Variants in SAMD3 observed in about 807,000 individuals in gnomAD.
SAMD3 encodes sterile alpha motif domain-containing protein 3.
SAMD3 carries 63 observed loss-of-function variants against 58.5 expected under a neutral mutation model. That is an observed-to-expected ratio of 1.08 (90% CI 0.88 to 1.33). SAMD3 has a LOEUF of 1.33. SAMD3 is among the 40% of genes most tolerant of loss of function. The probability of loss-of-function intolerance (pLI) is 0.00; values close to 1 mark genes in which losing one functional copy is unlikely to be tolerated. For missense variants in SAMD3, 604 were observed against 608.4 expected (o/e 0.99, Z 0.08); for synonymous variants, 220 against 210.3 (o/e 1.05, Z -0.40).
intron 2 of SAMD3, among the ~76,000 whole-genome samples, chr6:130,300,242 C>G (rs1227714647): frequency 6.6e-6 from 1 of 152,098 alleles, no homozygotes; most frequent in Non-Finnish European, 1.5e-5. Context: ...AGCAGTGCAT[C>G]AAAAAGATAA....
intron 2 of SAMD3, among the ~76,000 whole-genome samples, chr6:130,311,973 T>G (rs1186678802): frequency 2.0e-5 from 3 of 152,044 alleles, no homozygotes; most frequent in African/African-American, 7.2e-5. Flanking sequence ...AGCATCCCTT[T>G]GCTTCTCCCC....
At chr6:130,233,554 T>A (rs1582985939) in intron 2 of SAMD3, among the ~76,000 whole-genome samples, 1 of 152,198 alleles carries the variant, frequency 6.6e-6, no homozygotes, top group African/African-American at 2.4e-5. Context: ...GGAAAAAATG[T>A]CAAGCATCTG....
intron 2 of SAMD3, among the ~76,000 whole-genome samples, chr6:130,246,756 G>C (rs1244215148): frequency 6.6e-6 from 1 of 152,068 alleles, no homozygotes; most frequent in African/African-American, 2.4e-5. Flanking sequence ...GGGCATGATG[G>C]TGGGTGCCTG....
intron 9 of SAMD3, among the ~76,000 whole-genome samples, chr6:130,148,043 G>A (rs146173093): frequency 6.6e-6 from 1 of 152,098 alleles, no homozygotes; most frequent in African/African-American, 2.4e-5. Flanking sequence ...AATATATGTT[G>A]TATTTTATGA....
intron 2 of SAMD3, among the ~76,000 whole-genome samples, chr6:130,238,983 T>G (rs1035900929): frequency 5.9e-5 from 9 of 152,160 alleles, no homozygotes; most frequent in African/African-American, 1.9e-4. Context: ...GGTCTCAAAC[T>G]CCTGATCTCA....
At chr6:130,202,334 C>T (rs1419768228) in intron 5 of SAMD3, among the ~76,000 whole-genome samples, 1 of 152,174 alleles carries the variant, frequency 6.6e-6, no homozygotes, top group Non-Finnish European at 1.5e-5. Flanking sequence ...CCCGCTCCTG[C>T]TTTTTTGCAT....
At chr6:130,278,486 G>A (rs1050168888) in intron 2 of SAMD3, among the ~76,000 whole-genome samples, 10 of 152,102 alleles carry the variant, frequency 6.6e-5, no homozygotes, top group African/African-American at 2.4e-4. Flanking sequence ...CACAATAAAA[G>A]AGTATTTCTT....
At chr6:130,188,014 A>G (rs1793163618) in intron 5 of SAMD3, among the ~76,000 whole-genome samples, 2 of 152,096 alleles carry the variant, frequency 1.3e-5, no homozygotes, top group African/African-American at 4.8e-5. Flanking sequence ...TTTGCAATAA[A>G]ATAAAACTTA....
intron 2 of SAMD3, among the ~76,000 whole-genome samples, chr6:130,280,874 G>C (rs568067025): frequency 5.6e-4 from 85 of 152,084 alleles, no homozygotes; most frequent in African/African-American, 2.0e-3. Context: ...CAAAATAAAT[G>C]TTCACATTAA....
chr6:130,361,553 C>T (rs1017571200), intron 1 of SAMD3, among the ~76,000 whole-genome samples: 12 of 151,964 alleles, frequency 7.9e-5, no homozygotes, highest in Non-Finnish European at 1.8e-4. Flanking sequence ...ATTCAAGATG[C>T]CAAGTAGTTT....
At chr6:130,282,373 A>G (rs982191368) in intron 2 of SAMD3, among the ~76,000 whole-genome samples, 1 of 148,930 alleles carries the variant, frequency 6.7e-6, no homozygotes, top group Non-Finnish European at 1.5e-5. Context: ...TATTATATAC[A>G]TAGGCAAGTA....
intron 1 of SAMD3, among the ~76,000 whole-genome samples, chr6:130,363,793 T>C (rs1054125113): frequency 2.0e-5 from 3 of 152,180 alleles, no homozygotes; most frequent in African/African-American, 7.2e-5. Context: ...ATATCTCATA[T>C]AGACACAGCA....
intron 8 of SAMD3, among the ~76,000 whole-genome samples, chr6:130,166,016 A>G (rs1194010593): frequency 6.6e-6 from 1 of 152,146 alleles, no homozygotes; most frequent in Non-Finnish European, 1.5e-5. Context: ...CCACCAGTCC[A>G]TCTCCATCCA....
chr6:130,285,399 C>A (rs1775120978), intron 2 of SAMD3, among the ~76,000 whole-genome samples: 1 of 152,100 alleles, frequency 6.6e-6, no homozygotes, highest in African/African-American at 2.4e-5. Flanking sequence ...TCCAGAAAAG[C>A]AGCCTCACTA....
intron 1 of SAMD3, among the ~76,000 whole-genome samples, chr6:130,355,218 G>A (rs370822030): frequency 3.9e-5 from 6 of 152,174 alleles, no homozygotes; most frequent in African/African-American, 1.4e-4. Flanking sequence ...GAGGCCGGGA[G>A]CTCGAGACCA....
chr6:130,310,574 T>G (rs1776114573), intron 2 of SAMD3, among the ~76,000 whole-genome samples: 1 of 152,182 alleles, frequency 6.6e-6, no homozygotes, highest in South Asian at 2.1e-4. Context: ...GGAACACAAT[T>G]TCCTTGAATG....
chr6:130,162,057 G>C (rs969686737), intron 8 of SAMD3: 77 of 497,722 alleles, frequency 1.5e-4, no homozygotes, highest in Non-Finnish European at 9.9e-5. Flanking sequence ...TTTGAGATGT[G>C]TGACTTTAGA....
chr6:130,165,575 G>T (rs1034609678), intron 8 of SAMD3, among the ~76,000 whole-genome samples: 1 of 152,064 alleles, frequency 6.6e-6, no homozygotes, highest in South Asian at 2.1e-4. Context: ...TAGTTGAAAA[G>T]ATCAGCCATA....
At chr6:130,231,344 A>C (rs1796540850) in intron 2 of SAMD3, among the ~76,000 whole-genome samples, 1 of 152,116 alleles carries the variant, frequency 6.6e-6, no homozygotes, top group Non-Finnish European at 1.5e-5. Flanking sequence ...CGGGCAGATC[A>C]CTTAAGGTCA....
Sources: allele counts gnomAD v4.1 joint callset (sites outside exome capture counted in the v4.1 genomes callset), GRCh38; gene constraint gnomAD v4.1.1; transcripts MANE v1.5; gene names NCBI Gene and HGNC (gene_info 2026-07-23, HGNC 2026-07-21).